Variants in COL16A1 observed in about 807,000 individuals in gnomAD.
COL16A1 encodes collagen type XVI alpha 1 chain.
COL16A1 carries 189 observed loss-of-function variants against 266.3 expected under a neutral mutation model. The observed-to-expected ratio is 0.71, with a 90% CI of 0.63 to 0.80. The LOEUF is 0.80. Among genes scored for constraint, COL16A1 ranks in the 30% least tolerant of loss-of-function variants. The pLI, the probability that COL16A1 is intolerant of heterozygous loss-of-function variation, is 0.00. For missense variants in COL16A1, 1,928 were observed against 2,122.4 expected, an observed-to-expected ratio of 0.91 and a Z score of 1.80; for synonymous variants, 740 against 782.3, an observed-to-expected ratio of 0.95 and a Z score of 0.90.
chr1:31,700,214 C>T (rs1027662706), intron 2 of COL16A1, 99 bp from the exon 3 acceptor site: 6 of 1,089,522 alleles, frequency 5.5e-6, no homozygotes, highest in Non-Finnish European at 7.0e-6. Flanking sequence ...GTTTATAGTC[C>T]TCACTCTGGA....
intron 52 of COL16A1, 82 bp from the exon 53 acceptor site, chr1:31,666,163 C>A: frequency 7.0e-7 from 1 of 1,432,932 alleles, no homozygotes; most frequent in South Asian, 1.3e-5. Flanking sequence ...GGGGACTGCC[C>A]AGAACAGAGG....
rs778109890 is a variant in COL16A1, at chr1:31,702,245, C to T, written c.-34-18G>A. ...CACAGCACCTGAAAACCACAGAGAC[C>T]GGGAAGGCGGATTTCTGAGTTCACA... On this transcript the variant is annotated intron_variant, in intron 1 of 70. Coordinates refer to ENST00000373672, the MANE Select transcript of COL16A1 (RefSeq NM_001856.4). 67 of 1,612,108 alleles carry T rather than the reference C, an allele frequency of 4.2e-5. 1 individual carries two copies. Among genetic ancestry groups the T allele is most frequent in the South Asian group, 2.3e-4 (21 of 90,914 alleles).
chr1:31,678,398 T>C (rs1171863407), intron 42 of COL16A1, among the ~76,000 whole-genome samples: 2 of 152,146 alleles, frequency 1.3e-5, no homozygotes, highest in African/African-American at 4.8e-5. Context: ...CACTGGGAAC[T>C]GTCCTGAAAG....
intron 22 of COL16A1, 115 bp downstream of exon 22, chr1:31,690,252 G>A: frequency 1.3e-6 from 2 of 1,491,538 alleles, no homozygotes; most frequent in Non-Finnish European, 1.8e-6. Flanking sequence ...AACGGGTGGG[G>A]GTCCCCTGAG....
At position 31,685,300 on chromosome 1, in the gene COL16A1, G is replaced by A. The variant is rs547862689; in HGVS notation, c.2016+339C>T. On this transcript the variant is annotated intron_variant, in intron 29 of 70. Coordinates refer to ENST00000373672, the MANE Select transcript of COL16A1 (RefSeq NM_001856.4). The surrounding 1 kb of genome is among the most constrained non-coding windows in gnomAD (Gnocchi z 4.0). ...GTGTACCACTAAGCACTTCACACACGCCATTACTAGGCTTTACTCTGTGCA... is the reference window on the plus strand; with the variant it reads ...GTGTACCACTAAGCACTTCACACACACCATTACTAGGCTTTACTCTGTGCA... Among the ~76,000 whole-genome samples the A allele has an allele frequency of 1.3e-5, 2 of 152,278 alleles. No homozygotes were observed. The highest frequency in any genetic ancestry group is 2.1e-4 in the South Asian group (1 of 4,824).
chr1:31,701,916 G>A (rs1053271077), intron 2 of COL16A1, among the ~76,000 whole-genome samples: 4 of 151,960 alleles, frequency 2.6e-5, no homozygotes, highest in Admixed American at 6.6e-5. Context: ...ATAAACGTAC[G>A]AAGACACAGG....
chr1:31,702,332 G>A, intron 1 of COL16A1, 105 bp from the exon 2 acceptor site: 1 of 1,209,034 alleles, frequency 8.3e-7, no homozygotes, highest in African/African-American at 1.5e-5. Context: ...ACTGGTATTG[G>A]GGTGGCAGGA....
rs947669567 is a variant in COL16A1 at position 31,684,168 on chromosome 1, C to T, written c.2224G>A (p.Gly742Arg). The change falls in exon 32 of 71, where the codon GGG becomes AGG. Residue 742 changes from glycine to arginine, a missense_variant. Physicochemically the swap from Gly to Arg is moderately radical, Grantham distance 125. This residue lies in a region of COL16A1 where 1,552 missense variants were observed against 1,637.2 expected (regional missense o/e 0.95). Coordinates refer to ENST00000373672, the MANE Select transcript of COL16A1 (RefSeq NM_001856.4). Reference protein sequence around the residue: ...GTVTDMAGRPGQPGPKGEQGP... With the variant: ...GTVTDMAGRPRQPGPKGEQGP... ...TGCTCTCCTTTGGGGCCGGGCTGCC[C>T]AGGCCGTCCTGCCATGTCTGTCACT... The T allele has an allele frequency of 9.7e-6, 15 of 1,544,816 alleles. No individual in the cohort carries two copies. The highest frequency in any genetic ancestry group is 1.4e-5 in the African/African-American group (1 of 73,132).
Position 31,672,583 on chromosome 1 carries a change from G to A in COL16A1, c.3018+13C>T. The A allele has an allele frequency of 1.2e-6, 2 of 1,609,016 alleles. No individual in the cohort carries two copies. The highest frequency in any genetic ancestry group is 1.7e-6 in the Non-Finnish European group (2 of 1,176,566). On this transcript the variant is annotated intron_variant, in intron 46 of 70. Transcript: ENST00000373672. ...ATGGGGCATGATCGGGGGAGATAAG[G>A]CGAGGCACTCACCCGGGCCTCCTCG...
intron 11 of COL16A1, 25 bp from the exon 12 acceptor site, chr1:31,694,195 CA>C: frequency 6.4e-7 from 1 of 1,572,282 alleles, no homozygotes; most frequent in African/African-American, 1.4e-5. Flanking sequence ...GAGAGGGCAT[CA>C]CACTTCCGGT....
chr1:31,655,649 C>G, intron 66 of COL16A1, 147 bp from the exon 67 acceptor site: 1 of 1,363,066 alleles, frequency 7.3e-7, no homozygotes, highest in Non-Finnish European at 1.0e-6. Context: ...ACCTCACTGC[C>G]CCAGAGTGGT....
chr1:31,691,472 T>C lies in COL16A1; in HGVS notation c.1343A>G (p.Glu448Gly), dbSNP rs1644264972. The C allele has an allele frequency of 1.9e-6, 3 of 1,613,110 alleles. No homozygotes were observed. The highest frequency in any genetic ancestry group is 2.5e-6 in the Non-Finnish European group (3 of 1,179,574). Reference sequence around the variant, plus strand: ...TCCAGGGAGGCCGGGGGGCCCAGGCTCTCCTGCCAGCCCCTCAGGCCCAAC... The same window carrying C: ...TCCAGGGAGGCCGGGGGGCCCAGGCCCTCCTGCCAGCCCCTCAGGCCCAAC... ...GFVGPEGLAGEPGPPGLPGPP... is the reference protein window; with the variant it reads ...GFVGPEGLAGGPGPPGLPGPP... Residue 448 changes from glutamate (E) to glycine (G), a missense_variant, in exon 19 of 71, where the codon GAG (glutamate) becomes GGG (glycine). Glu to Gly is a moderately conservative substitution (Grantham distance 98). Coordinates refer to ENST00000373672, the MANE Select transcript of COL16A1 (RefSeq NM_001856.4).
chr1:31,691,716 C>A lies in COL16A1; in HGVS notation c.1258-74G>T, dbSNP rs75205816. 1.1e-3 allele frequency: 1,699 copies of A among 1,524,730 alleles called. 11 individuals carry two copies. The African/African-American group carries it at 0.021, about 19-fold the overall frequency. 94.5% of individuals were successfully genotyped at this position (1,524,730 alleles called of 1,614,324 possible). ...ACCGCCCCACTGGGAGAGGTGAATG[C>A]CCACCTGTCCCACCCTCCCTGCCCC... On this transcript the variant is annotated intron_variant, in intron 17 of 70. Transcript: ENST00000373672.
In COL16A1 at chr1:31,654,820, G is replaced by C; in HGVS notation, c.4329C>G (p.Ile1443Met). The stretch of plus-strand genomic sequence containing the variant: ...CAAACATTTTAATGATCTCTTGTCT[G>C]ATGAACCTCTTGATTTCATCATAAT... ...MVNYDEIKRFIRQEIIKMFDE... is the reference protein window; with the variant it reads ...MVNYDEIKRFMRQEIIKMFDE... Residue 1443 changes from isoleucine (I) to methionine (M), a missense_variant, in exon 68 of 71, where the codon ATC (isoleucine) becomes ATG (methionine). Transcript: ENST00000373672. 6.2e-7 allele frequency: 1 copy of C among 1,614,022 alleles called. No individual in the cohort carries two copies. The highest frequency in any genetic ancestry group is 8.5e-7 in the Non-Finnish European group (1 of 1,180,012).
At position 31,679,965 on chromosome 1, in the gene COL16A1, T is replaced by C; in HGVS notation, c.2670+77A>G. Reference sequence around the variant, plus strand: ...TGGGGTGCGTGGCCCTGCGGGGCCTTTGCACACTGGGCACCAGACGAGGCT... The same window carrying C: ...TGGGGTGCGTGGCCCTGCGGGGCCTCTGCACACTGGGCACCAGACGAGGCT... On this transcript the variant is annotated intron_variant, in intron 40 of 70. Transcript: ENST00000373672. 3 of 1,592,250 alleles carry C rather than the reference T, an allele frequency of 1.9e-6. No homozygotes were observed. The South Asian group carries it at 3.4e-5, about 18-fold the overall frequency.
chr1:31,672,833 C>A lies in COL16A1; in HGVS notation c.2867G>T (p.Cys956Phe), dbSNP rs770542318. The change falls in exon 45 of 71, where the codon TGC becomes TTC. Residue 956 changes from cysteine (C) to phenylalanine (F), a missense_variant. By Grantham distance (205) the Cys-to-Phe change is radical (BLOSUM62 -2). Around this residue, in one of 2 missense-constraint regions of COL16A1, gnomAD observed 1,552 missense variants for 1,637.2 expected, o/e 0.95. Transcript: ENST00000373672. ...CCTCTGCCCCTGGACACAGTCCCCG[C>A]AGATACTCTGATCAGGGAGTGGGGA... is the stretch of plus-strand genomic sequence containing the variant. ...PIEQHLLKSI[C>F]GDCVQGQRAH... 1.2e-6 allele frequency: 2 copies of A among 1,613,956 alleles called. No individual in the cohort carries two copies. The highest frequency in any genetic ancestry group is 1.7e-6 in the Non-Finnish European group (2 of 1,179,890).
chr1:31,695,134 G>A (rs1296218435), intron 11 of COL16A1, 52 bp downstream of exon 11: 5 of 1,603,332 alleles, frequency 3.1e-6, no homozygotes, highest in Middle Eastern at 1.7e-4. Context: ...TCTAGGCAAC[G>A]TCCACTCCCG....
chr1:31,658,758 G>A (rs1400862428), intron 63 of COL16A1, among the ~76,000 whole-genome samples, 156 bp downstream of exon 63: 2 of 152,206 alleles, frequency 1.3e-5, no homozygotes, highest in Non-Finnish European at 2.9e-5. Context: ...GCCACATCCT[G>A]GAAGGCGAGA....
At chr1:31,677,308 C>G (rs147127986) in intron 42 of COL16A1, among the ~76,000 whole-genome samples, 3,137 of 152,320 alleles carry the variant, frequency 0.021, 39 homozygotes, top group Middle Eastern at 0.054. Context: ...AGGCTGGTCT[C>G]GAACTCCTGA....
Sources: allele counts gnomAD v4.1 joint callset (sites outside exome capture counted in the v4.1 genomes callset), GRCh38; gene constraint gnomAD v4.1.1; regional missense constraint gnomAD v4.1.1; non-coding constraint Gnocchi (gnomAD v3.1); transcripts MANE v1.5; gene names NCBI Gene and HGNC (gene_info 2026-07-23, HGNC 2026-07-21).